AFF3: variants seen among roughly 807,000 people sequenced by gnomAD.
AFF3 encodes the protein AF4/FMR2 family member 3.
AFF3 carries 32 observed loss-of-function variants against 129.7 expected under a neutral mutation model. That is an observed-to-expected ratio of 0.25 (90% CI 0.19 to 0.33). The LOEUF (loss-of-function observed/expected upper bound fraction) is 0.33, where lower values mean the gene tolerates loss of function less well. Ranked by LOEUF, AFF3 falls within the 10% of genes least tolerant of loss-of-function variation. The pLI is 1.00. For synonymous variants in AFF3, 644 were observed against 635.4 expected (o/e 1.01, Z -0.20); for missense variants, 1,373 against 1,592.0 (o/e 0.86, Z 2.34).
intron 13 of AFF3, 101 bp from the exon 14 acceptor site, chr2:99,601,722 G>A (rs1679860089): frequency 4.4e-6 from 6 of 1,362,770 alleles, no homozygotes; most frequent in Admixed American, 2.4e-5. Context: ...GAGGGAGGAG[G>A]CACGCAGCCT....
At chr2:99,600,961 T>C (rs1327698575) in intron 14 of AFF3, among the ~76,000 whole-genome samples, 5 of 152,326 alleles carry the variant, frequency 3.3e-5, no homozygotes, top group Non-Finnish European at 7.3e-5. Flanking sequence ...GTTTTATTAA[T>C]ATTTATAGCC....
intron 2 of AFF3, chr2:100,106,748 A>G (rs1019387257): frequency 4.1e-6 from 4 of 985,462 alleles, no homozygotes; most frequent in Non-Finnish European, 4.8e-6. Context: ...CTGTTTATAC[A>G]AAGGAGGGCC....
At chr2:99,724,271 C>CTTTCTTTTTTTT (rs1411290883) in intron 11 of AFF3, among the ~76,000 whole-genome samples, 1 of 66,864 alleles carries the variant, frequency 1.5e-5, no homozygotes, top group Non-Finnish European at 2.5e-5. Context: ...AATGACCTTT[C>CTTTCTTTTTTTT]TTTTTTTTTT....
chr2:100,136,540 C>A (rs983208799), intron 1 of AFF3, among the ~76,000 whole-genome samples: 1 of 152,142 alleles, frequency 6.6e-6, no homozygotes, highest in African/African-American at 2.4e-5. Flanking sequence ...GGGGCTTTTC[C>A]CATATTCTAA....
chr2:99,640,854 T>C (rs189080530), intron 13 of AFF3, among the ~76,000 whole-genome samples: 41 of 152,348 alleles, frequency 2.7e-4, no homozygotes, highest in African/African-American at 9.9e-4. Flanking sequence ...GCTGATGGAA[T>C]AGGAGCTGTG....
intron 8 of AFF3, among the ~76,000 whole-genome samples, chr2:99,833,370 C>T (rs2105769938): frequency 6.6e-6 from 1 of 152,290 alleles, no homozygotes; most frequent in African/African-American, 2.4e-5. Context: ...TACTTACCCC[C>T]TTCAGATAAA....
intron 12 of AFF3, among the ~76,000 whole-genome samples, chr2:99,653,113 C>T (rs1685424144): frequency 6.6e-6 from 1 of 152,182 alleles, no homozygotes; most frequent in Non-Finnish European, 1.5e-5. Flanking sequence ...GGAGAGTTTC[C>T]CTCTCACTCA....
intron 4 of AFF3, among the ~76,000 whole-genome samples, chr2:100,038,479 A>G (rs1356763772): frequency 6.6e-6 from 1 of 152,164 alleles, no homozygotes; most frequent in Non-Finnish European, 1.5e-5. Flanking sequence ...TTGTGAGCTA[A>G]TAACACAAAG....
chr2:99,812,283 A>G (rs1359337859), intron 8 of AFF3, among the ~76,000 whole-genome samples: 1 of 152,178 alleles, frequency 6.6e-6, no homozygotes, highest in African/African-American at 2.4e-5. Context: ...AGTGGCCTCT[A>G]CAAATAAGAT....
At chr2:100,106,472 CCCCTTAGCATA>C (rs1691302750) in intron 2 of AFF3, 1 of 1,023,390 alleles carries the variant, frequency 9.8e-7, no homozygotes, top group Non-Finnish European at 1.2e-6. Flanking sequence ...TTTCTAATAT[CCCCTTAGCATA>C]CGCCTTGTTG....
chr2:100,044,089 G>A (rs576356091), intron 4 of AFF3, among the ~76,000 whole-genome samples: 1 of 152,298 alleles, frequency 6.6e-6, no homozygotes, highest in Non-Finnish European at 1.5e-5. Flanking sequence ...TCTGGCCATG[G>A]GGCCAGGAAT....
chr2:99,805,128 C>A (rs1308153105), intron 8 of AFF3, among the ~76,000 whole-genome samples: 1 of 152,032 alleles, frequency 6.6e-6, no homozygotes, highest in African/African-American at 2.4e-5. Context: ...TAATTGACAG[C>A]AAATAATGAG....
intron 7 of AFF3, among the ~76,000 whole-genome samples, chr2:99,976,422 C>T (rs994721303): frequency 1.3e-5 from 2 of 152,226 alleles, no homozygotes; most frequent in African/African-American, 4.8e-5. Context: ...GATATACATA[C>T]ATATGCTCCT....
chr2:99,905,525 C>T (rs1694652351), intron 7 of AFF3, among the ~76,000 whole-genome samples: 1 of 152,148 alleles, frequency 6.6e-6, no homozygotes, highest in South Asian at 2.1e-4. Flanking sequence ...TTGTAAAATG[C>T]CAAGGAGGAA....
intron 13 of AFF3, among the ~76,000 whole-genome samples, chr2:99,635,396 C>T (rs548305039): frequency 6.6e-6 from 1 of 152,074 alleles, no homozygotes; most frequent in Non-Finnish European, 1.5e-5. Flanking sequence ...CTCCTGGGCT[C>T]AAGCAATCTT....
chr2:99,832,548 A>G (rs1688582959), intron 8 of AFF3, among the ~76,000 whole-genome samples: 3 of 152,220 alleles, frequency 2.0e-5, no homozygotes, highest in African/African-American at 7.2e-5. Flanking sequence ...GTAGAAGTGG[A>G]GCCCTTTAGG....
chr2:99,607,283 A>G (rs1181969875), intron 13 of AFF3, among the ~76,000 whole-genome samples: 2 of 152,210 alleles, frequency 1.3e-5, no homozygotes, highest in African/African-American at 2.4e-5. Flanking sequence ...CTGTAATCCC[A>G]GCACTTTGGG....
intron 4 of AFF3, among the ~76,000 whole-genome samples, chr2:100,025,649 T>C (rs1683973764): frequency 6.6e-6 from 1 of 152,082 alleles, no homozygotes; most frequent in African/African-American, 2.4e-5. Context: ...TTTCAAACTA[T>C]ACTATAAGGC....
chr2:99,866,375 C>T (rs72819135), intron 7 of AFF3, among the ~76,000 whole-genome samples: 104 of 152,270 alleles, frequency 6.8e-4, no homozygotes, highest in Non-Finnish European at 1.4e-3. Flanking sequence ...GGCTTGAAGA[C>T]CTCATCATCA....
Sources: allele counts gnomAD v4.1 joint callset (sites outside exome capture counted in the v4.1 genomes callset), GRCh38; gene constraint gnomAD v4.1.1; transcripts MANE v1.5; gene names NCBI Gene and HGNC (gene_info 2026-07-23, HGNC 2026-07-21).